ERAP1: variants seen among roughly 807,000 people sequenced by gnomAD.
ERAP1 encodes the protein adipocyte-derived leucine aminopeptidase.
A neutral mutation model predicts 103.7 loss-of-function variants in ERAP1; 86 were observed. That is an observed-to-expected ratio of 0.83 (90% CI 0.70 to 0.99). The LOEUF (loss-of-function observed/expected upper bound fraction) is 0.99, where lower values mean the gene tolerates loss of function less well. ERAP1 is among the 50% of genes least tolerant of loss of function. The pLI, the probability that ERAP1 is intolerant of heterozygous loss-of-function variation, is 0.00. For synonymous variants in ERAP1, 398 were observed against 402.4 expected (o/e 0.99, Z 0.13); for missense variants, 1,009 against 1,128.4 (o/e 0.89, Z 1.52).
At chr5:96,933,641 T>C in the ERAP1 span, among the ~76,000 whole-genome samples, 1 of 152,104 alleles carries the variant, frequency 6.6e-6, no homozygotes, top group South Asian at 2.1e-4. Context: ...CTTAAAAGCA[T>C]GATAGACTGT....
At position 96,803,402 on chromosome 5, in the gene ERAP1, C is replaced by T; in HGVS notation, c.524+1G>A. 1 of 1,612,786 alleles carries T rather than the reference C, an allele frequency of 6.2e-7. No homozygotes were observed. The highest frequency in any genetic ancestry group is 8.5e-7 in the Non-Finnish European group (1 of 1,179,570). ...TAAAAGAAAAAGAGAAAAAAAAATA[C>T]CTCAGTTCCCCTTCCTTGGTTCTGT... On this transcript the variant is annotated splice_donor_variant, in intron 2 of 18. Transcript: ENST00000443439. LOFTEE classifies it high-confidence loss of function.
the ERAP1 span, among the ~76,000 whole-genome samples, chr5:96,875,323 C>G: frequency 6.6e-6 from 1 of 151,872 alleles, no homozygotes; most frequent in East Asian, 1.9e-4. Context: ...TCACTTGAGC[C>G]TAGGAGTTTG....
chr5:96,815,417 T>G, the ERAP1 span, among the ~76,000 whole-genome samples: 1 of 147,946 alleles, frequency 6.8e-6, no homozygotes, highest in African/African-American at 2.5e-5. Context: ...GTTTTTTATT[T>G]TTTTTTTTTT....
intron 15 of ERAP1, 108 bp downstream of exon 15, chr5:96,782,943 C>G: frequency 9.4e-7 from 1 of 1,059,756 alleles, no homozygotes; most frequent in Non-Finnish European, 1.5e-6. Flanking sequence ...AAAAGGGCAG[C>G]AGGGGAGACA....
chr5:96,864,008 C>A, the ERAP1 span, among the ~76,000 whole-genome samples: 1 of 152,130 alleles, frequency 6.6e-6, no homozygotes, highest in South Asian at 2.1e-4. Flanking sequence ...ACTATAAATT[C>A]TTGATTTTTT....
chr5:96,813,094 G>A (rs1779240640), upstream of ERAP1, among the ~76,000 whole-genome samples: 1 of 152,070 alleles, frequency 6.6e-6, no homozygotes, highest in East Asian at 1.9e-4. Context: ...ACACTCCCTT[G>A]GCTACCCTGG....
chr5:96,909,121 T>C, the ERAP1 span: 1 of 1,613,718 alleles, frequency 6.2e-7, no homozygotes, highest in Non-Finnish European at 8.5e-7. Flanking sequence ...CCTCAAGGTT[T>C]GTGTTGCTTT....
At chr5:96,782,008 A>T (rs72773924) in intron 15 of ERAP1, among the ~76,000 whole-genome samples, 154 bp from the exon 16 acceptor site, 1 of 133,760 alleles carries the variant, frequency 7.5e-6, no homozygotes, top group Admixed American at 7.6e-5. Flanking sequence ...TTCAGTTACA[A>T]TTTTTTTTTT....
the ERAP1 span, among the ~76,000 whole-genome samples, chr5:96,907,045 A>G: frequency 1.3e-5 from 2 of 152,224 alleles, no homozygotes; most frequent in Non-Finnish European, 2.9e-5. Context: ...AAAACAAAAC[A>G]AAACAAAACA....
chr5:96,878,818 C>G, the ERAP1 span, among the ~76,000 whole-genome samples: 1 of 152,114 alleles, frequency 6.6e-6, no homozygotes, highest in Admixed American at 6.5e-5. Flanking sequence ...ATCCCAGCTA[C>G]TCGGGAGGCT....
chr5:96,855,992 T>TA, the ERAP1 span, among the ~76,000 whole-genome samples: 2 of 152,046 alleles, frequency 1.3e-5, no homozygotes, highest in Non-Finnish European at 2.9e-5. Flanking sequence ...TATTCTCTTT[T>TA]AGTCACATGC....
At chr5:96,906,679 C>A in the ERAP1 span, among the ~76,000 whole-genome samples, 1 of 152,142 alleles carries the variant, frequency 6.6e-6, no homozygotes, top group Non-Finnish European at 1.5e-5. Context: ...ATTGAAATGA[C>A]AACTTCAATT....
chr5:96,860,131 G>A, the ERAP1 span, among the ~76,000 whole-genome samples: 4 of 151,916 alleles, frequency 2.6e-5, no homozygotes, highest in African/African-American at 4.8e-5. Flanking sequence ...GCATGATCTC[G>A]GCTCACTGCA....
Position 96,785,781 on chromosome 5 carries a change from G to C in ERAP1, c.1943+7C>G, listed in dbSNP as rs573506676. ...AATAAACCGCGACTTTGTGCAGCGT[G>C]TATTACCTGACGAGCTGAAATGCAT... is the stretch of plus-strand genomic sequence containing the variant. On this transcript the variant is annotated splice_region_variant and intron_variant, in intron 13 of 18. Transcript: ENST00000443439. 9 of 1,613,924 alleles carry C rather than the reference G, an allele frequency of 5.6e-6. No individual in the cohort carries two copies. The highest frequency in any genetic ancestry group is 2.7e-5 in the African/African-American group (2 of 75,052).
chr5:96,793,030 G>A (rs990416429), intron 7 of ERAP1, among the ~76,000 whole-genome samples: 2 of 152,146 alleles, frequency 1.3e-5, no homozygotes, highest in African/African-American at 4.8e-5. Flanking sequence ...CATTTGATTT[G>A]GCAAGTAGGG....
At chr5:96,867,607 A>G in the ERAP1 span, among the ~76,000 whole-genome samples, 1 of 152,168 alleles carries the variant, frequency 6.6e-6, no homozygotes, top group African/African-American at 2.4e-5. Flanking sequence ...CCAACAAGTC[A>G]TCTCTACTTG....
At chr5:96,907,890 A>T in the ERAP1 span, among the ~76,000 whole-genome samples, 4 of 152,040 alleles carry the variant, frequency 2.6e-5, no homozygotes, top group African/African-American at 9.6e-5. Flanking sequence ...TCTCAAAAAA[A>T]AAAAATATAT....
At position 96,803,706 on chromosome 5, in the gene ERAP1, A is replaced by G. The variant is rs1778245414; in HGVS notation, c.221T>C (p.Leu74Pro). The change falls in exon 2 of 19, where the codon CTG becomes CCG. Residue 74 changes from leucine (L) to proline (P), a missense_variant. This residue lies in a region of ERAP1 where 392 missense variants were observed against 455.2 expected (regional missense o/e 0.86). Transcript: ENST00000443439. ...DLLIHANLTT[L>P]TFWGTTKVEI... ...TACTTTCGTGGTTCCCCAGAAGGTC[A>G]GCGTGGTAAGGTTTGCATGGATCAA... 1 of 1,614,232 alleles carries G rather than the reference A, an allele frequency of 6.2e-7. No homozygotes were observed. The highest frequency in any genetic ancestry group is 1.7e-5 in the Admixed American group (1 of 60,034).
At chr5:96,766,036 G>C in intron 19 of ERAP1, 1 of 1,358,246 alleles carries the variant, frequency 7.4e-7, no homozygotes, top group African/African-American at 1.4e-5. Context: ...AATTCTATCT[G>C]CTCACTGTTG....
Sources: gnomAD v4.1 joint callset for allele counts (sites outside exome capture counted in the v4.1 genomes callset) on GRCh38, gnomAD v4.1.1 for gene constraint, gnomAD v4.1.1 regional missense constraint, MANE v1.5 for transcripts, NCBI Gene and HGNC (gene_info 2026-07-23, HGNC 2026-07-21) for gene names.